Variants in NAV2 observed in about 807,000 individuals in gnomAD.
NAV2 encodes the protein neuron navigator 2.
A neutral mutation model predicts 223.2 loss-of-function variants in NAV2; 54 were observed. The observed-to-expected ratio is 0.24, with a 90% CI of 0.19 to 0.30. NAV2 has a LOEUF of 0.30. Ranked by LOEUF, NAV2 falls within the 10% of genes least tolerant of loss-of-function variation. The pLI, the probability that NAV2 is intolerant of heterozygous loss-of-function variation, is 1.00. For missense variants in NAV2, 2,806 were observed against 3,147.5 expected (o/e 0.89, Z 2.60); for synonymous variants, 1,279 against 1,239.3 (o/e 1.03, Z -0.67).
intron 2 of NAV2, among the ~76,000 whole-genome samples, chr11:19,840,513 C>T (rs1246735434): frequency 6.6e-6 from 1 of 152,176 alleles, no homozygotes; most frequent in Non-Finnish European, 1.5e-5. Context: ...AATCCAATGA[C>T]TTATGACTTT....
At chr11:20,020,477 C>T (rs1048035589) in intron 11 of NAV2, among the ~76,000 whole-genome samples, 1 of 152,200 alleles carries the variant, frequency 6.6e-6, no homozygotes, top group Non-Finnish European at 1.5e-5. Context: ...TTTCCTCTCT[C>T]GTTGCCTGGG....
At chr11:20,072,078 G>A (rs894247045) in intron 22 of NAV2, among the ~76,000 whole-genome samples, 20 of 152,116 alleles carry the variant, frequency 1.3e-4, no homozygotes, top group Non-Finnish European at 2.8e-4. Context: ...TAGGTCTTAG[G>A]TTTAATTCTT....
At chr11:19,973,298 T>C (rs980714197) in intron 10 of NAV2, among the ~76,000 whole-genome samples, 2 of 152,086 alleles carry the variant, frequency 1.3e-5, no homozygotes, top group African/African-American at 4.8e-5. Flanking sequence ...AAAGGGAACA[T>C]ACAATCCTCA....
intron 1 of NAV2, among the ~76,000 whole-genome samples, chr11:19,739,817 G>A (rs1349379936): frequency 6.6e-6 from 1 of 152,180 alleles, no homozygotes; most frequent in Non-Finnish European, 1.5e-5. Flanking sequence ...TCTGAAGAAG[G>A]AAGCAGCGGC....
chr11:19,772,805 C>T (rs1254687234), intron 1 of NAV2, among the ~76,000 whole-genome samples: 1 of 152,138 alleles, frequency 6.6e-6, no homozygotes, highest in African/African-American at 2.4e-5. Flanking sequence ...GTTCCCCTGG[C>T]CGGCCCCCAC....
At position 19,493,259 on chromosome 11, in the gene NAV2, C is replaced by T. The variant is rs774455148; in HGVS notation, c.75+142232C>T. 4.6e-5 allele frequency among the ~76,000 whole-genome samples: 7 copies of T among 151,772 alleles called. No individual in the cohort carries two copies. In the South Asian group the frequency reaches 8.3e-4, roughly 18 times the overall value. Reference sequence around the variant, plus strand: ...ACTATACTGGAATTAAAGGTATCTGCACCACTACCACCACAATGAAGGTGA... The same window carrying T: ...ACTATACTGGAATTAAAGGTATCTGTACCACTACCACCACAATGAAGGTGA... On this transcript the variant is annotated intron_variant, in intron 1 of 37. Transcript: ENST00000360655.
intron 1 of NAV2, among the ~76,000 whole-genome samples, chr11:19,652,983 T>C (rs2048012980): frequency 1.3e-5 from 2 of 152,190 alleles, no homozygotes; most frequent in Admixed American, 1.3e-4. Context: ...GCATTGGTTT[T>C]TATTTGCCAA....
At chr11:19,477,217 A>G (rs2042145318) in intron 1 of NAV2, among the ~76,000 whole-genome samples, 1 of 152,210 alleles carries the variant, frequency 6.6e-6, no homozygotes, top group South Asian at 2.1e-4. Flanking sequence ...GCTAAGAAAA[A>G]AATGCAAACC....
chr11:20,082,776 A>G (rs1202214185), intron 25 of NAV2, among the ~76,000 whole-genome samples: 4 of 152,116 alleles, frequency 2.6e-5, no homozygotes, highest in Non-Finnish European at 5.9e-5. Flanking sequence ...CTAGTCTTGA[A>G]CCAAGAGTAG....
At chr11:19,817,216 C>T (rs2059137762) in intron 1 of NAV2, among the ~76,000 whole-genome samples, 1 of 152,064 alleles carries the variant, frequency 6.6e-6, no homozygotes, top group African/African-American at 2.4e-5. Context: ...CCTAAGAAAA[C>T]AAAAACAAAA....
rs115850265 is a variant in NAV2, at chr11:19,493,080, A to G, written c.75+142053A>G. 1.6e-3 allele frequency among the ~76,000 whole-genome samples: 248 copies of G among 152,316 alleles called. 1 individual carries two copies. Among genetic ancestry groups the G allele is most frequent in the African/African-American group, 4.1e-3 (169 of 41,572 alleles). On this transcript the variant is annotated intron_variant, in intron 1 of 37. Transcript: ENST00000360655. ...ATAATGTTGCTATATGGGTAAAATT[A>G]AAGAATGTACATAAGGCACTTCACA...
At chr11:19,396,030 C>A (rs915135929) in intron 1 of NAV2, among the ~76,000 whole-genome samples, 5 of 152,106 alleles carry the variant, frequency 3.3e-5, no homozygotes, top group African/African-American at 1.2e-4. Context: ...GGTGATAATG[C>A]CTACCTCCTG....
At chr11:20,011,819 A>G (rs1278005839) in intron 11 of NAV2, among the ~76,000 whole-genome samples, 1 of 152,254 alleles carries the variant, frequency 6.6e-6, no homozygotes, top group Non-Finnish European at 1.5e-5. Context: ...GCGGAGCCAT[A>G]ATTTGATTAA....
chr11:19,434,272 C>G (rs915544048), intron 1 of NAV2, among the ~76,000 whole-genome samples: 1 of 152,178 alleles, frequency 6.6e-6, no homozygotes, highest in Non-Finnish European at 1.5e-5. Flanking sequence ...TGCTCAGTGG[C>G]TGATGAGGTA....
At chr11:19,468,467 T>G (rs143363644) in intron 1 of NAV2, among the ~76,000 whole-genome samples, 1 of 152,306 alleles carries the variant, frequency 6.6e-6, no homozygotes, top group East Asian at 1.9e-4. Context: ...CTCTGATCTC[T>G]GCCTCCATCT....
At chr11:19,372,390 C>T (rs898787810) in intron 1 of NAV2, among the ~76,000 whole-genome samples, 7 of 152,358 alleles carry the variant, frequency 4.6e-5, no homozygotes, top group African/African-American at 1.7e-4. Context: ...GCCCCATCCA[C>T]TGGGCTCAGT....
intron 1 of NAV2, among the ~76,000 whole-genome samples, chr11:19,363,526 C>T (rs1235808044): frequency 6.6e-6 from 1 of 152,190 alleles, no homozygotes; most frequent in African/African-American, 2.4e-5. Flanking sequence ...ATGTCTGAAG[C>T]TCTGCTATTG....
intron 1 of NAV2, among the ~76,000 whole-genome samples, chr11:19,626,359 G>C (rs892982072): frequency 6.6e-6 from 1 of 152,082 alleles, no homozygotes; most frequent in African/African-American, 2.4e-5. Context: ...TTAATTTCTG[G>C]GTTCTCTATT....
intron 10 of NAV2, among the ~76,000 whole-genome samples, chr11:19,980,111 T>A (rs1565690036): frequency 6.6e-6 from 1 of 152,166 alleles, no homozygotes; most frequent in African/African-American, 2.4e-5. Context: ...ACAACAGTCA[T>A]GTTCCTTAAC....
Sources: allele counts gnomAD v4.1 joint callset (sites outside exome capture counted in the v4.1 genomes callset), GRCh38; gene constraint gnomAD v4.1.1; transcripts MANE v1.5; gene names NCBI Gene and HGNC (gene_info 2026-07-23, HGNC 2026-07-21).